Variants in NECTIN2 observed in about 807,000 individuals in gnomAD.
The protein encoded by NECTIN2 is nectin cell adhesion molecule 2, also known as nectin-2.
A neutral mutation model predicts 56.9 loss-of-function variants in NECTIN2; 23 were observed. The ratio of observed to expected loss-of-function variants is 0.40; its 90% confidence interval spans 0.29 to 0.57. NECTIN2 has a LOEUF of 0.57. NECTIN2 is among the 20% of genes least tolerant of loss of function. The pLI is 0.38. For synonymous variants in NECTIN2, 302 were observed against 313.8 expected, an observed-to-expected ratio of 0.96 and a Z score of 0.40; for missense variants, 587 against 718.3, an observed-to-expected ratio of 0.82 and a Z score of 2.09.
chr19:44,886,611 A>G (rs904387700), intron 8 of NECTIN2, among the ~76,000 whole-genome samples: 1 of 151,606 alleles, frequency 6.6e-6, no homozygotes, highest in African/African-American at 2.4e-5. Context: ...AATCTTAGCT[A>G]CCCGGGGCGC....
intron 8 of NECTIN2, among the ~76,000 whole-genome samples, chr19:44,887,865 T>C (rs1254603267): frequency 1.3e-5 from 2 of 152,034 alleles, no homozygotes; most frequent in African/African-American, 2.4e-5. Context: ...GGGGAAAGAT[T>C]TGCAGAGATC....
chr19:44,885,303 C>A (rs991717916), intron 6 of NECTIN2, among the ~76,000 whole-genome samples: 2 of 122,948 alleles, frequency 1.6e-5, no homozygotes, highest in African/African-American at 3.0e-5. Flanking sequence ...GCTGATCTTT[C>A]TTTCTTTTTT....
intron 5 of NECTIN2, among the ~76,000 whole-genome samples, chr19:44,879,947 G>A (rs896735625): frequency 6.6e-6 from 1 of 152,184 alleles, no homozygotes; most frequent in Non-Finnish European, 1.5e-5. Context: ...GCAGCAGTAT[G>A]TTTAGGATGA....
Position 44,846,436 on chromosome 19 carries a change from C to A in NECTIN2, c.-90C>A. Reference sequence around the variant, plus strand: ...CGGCCCGGAGCCGGAGCCGGAGCCCCACAGGCACCTACTAAACCGCCCAGC... The same window carrying A: ...CGGCCCGGAGCCGGAGCCGGAGCCCAACAGGCACCTACTAAACCGCCCAGC... On this transcript the variant is annotated 5_prime_UTR_variant, in exon 1 of 9. Transcript: ENST00000252483. 2.9e-6 allele frequency: 4 copies of A among 1,374,340 alleles called. No homozygotes were observed. Among genetic ancestry groups the A allele is most frequent in the Non-Finnish European group, 3.7e-6 (4 of 1,070,540 alleles). The allele number at this position is 1,374,340 out of a possible 1,614,324, so 85.1% of individuals were successfully genotyped here. A position where few individuals can be genotyped will look rare whatever the true frequency, so the allele number is the denominator to read the frequency against.
At position 44,871,999 on chromosome 19, in the gene NECTIN2, G is replaced by A; in HGVS notation, c.625G>A (p.Val209Met). 1 of 1,614,160 alleles carries A rather than the reference G, an allele frequency of 6.2e-7. No individual in the cohort carries two copies. The highest frequency in any genetic ancestry group is 8.5e-7 in the Non-Finnish European group (1 of 1,180,036). The change falls in exon 3 of 9, where the codon GTG (valine) becomes ATG (methionine). Residue 209 changes from valine to methionine, a missense_variant. Coordinates refer to ENST00000252483, the MANE Select transcript of NECTIN2 (RefSeq NM_001042724.2). ...SLDWEAKETQVSGTLAGTVTV... is the reference protein window; with the variant it reads ...SLDWEAKETQMSGTLAGTVTV... ...GGACTGGGAAGCCAAAGAGACTCAG[G>A]TGTCAGGGACCCTGGCCGGAACTGT...
chr19:44,883,800 A>G (rs283809), intron 6 of NECTIN2, among the ~76,000 whole-genome samples: 20,626 of 152,090 alleles, frequency 0.14, 2,624 homozygotes, highest in African/African-American at 0.33. Flanking sequence ...ACTCTAGCCC[A>G]GGTGACAGAG....
intron 1 of NECTIN2, among the ~76,000 whole-genome samples, chr19:44,859,006 A>T (rs998095117): frequency 6.6e-6 from 1 of 152,144 alleles, no homozygotes; most frequent in Non-Finnish European, 1.5e-5. Context: ...TTACCCAAAG[A>T]TCCTCGGCCT....
At chr19:44,854,742 G>A (rs924090782) in intron 1 of NECTIN2, among the ~76,000 whole-genome samples, 4 of 152,080 alleles carry the variant, frequency 2.6e-5, no homozygotes, top group Non-Finnish European at 5.9e-5. Flanking sequence ...GAGCTGGGGA[G>A]GCGGAGGCTG....
In NECTIN2 at chr19:44,889,145, T is replaced by G. The variant is rs1969393067; in HGVS notation, c.*766T>G. 1 of 152,258 alleles carries G rather than the reference T, an allele frequency of 6.6e-6. No individual in the cohort carries two copies. The highest frequency in any genetic ancestry group is 1.5e-5 in the Non-Finnish European group (1 of 68,038). 9.4% of individuals were successfully genotyped at this position (152,258 alleles called of 1,614,324 possible). A position where few individuals can be genotyped will look rare whatever the true frequency, so the allele number is the denominator to read the frequency against. On this transcript the variant is annotated 3_prime_UTR_variant, in exon 9 of 9. Transcript: ENST00000252483. ...CTAAACATCCCCCTTCCGGGGAAAG[T>G]GGGTCATCTGAATTGGGGGTAGCAA...
intron 1 of NECTIN2, among the ~76,000 whole-genome samples, chr19:44,862,319 G>A (rs941302425): frequency 1.4e-4 from 21 of 151,948 alleles, no homozygotes; most frequent in Admixed American, 5.9e-4. Flanking sequence ...GGAGGCTGAG[G>A]CAGGAGAATG....
rs753238889 is a variant in NECTIN2, at chr19:44,878,350, G to A, written c.1043-3861G>A. On this transcript the variant is annotated intron_variant, in intron 5 of 8. Coordinates refer to ENST00000252483, the MANE Select transcript of NECTIN2 (RefSeq NM_001042724.2). Reference sequence around the variant, plus strand: ...TCATCCTGCTGAGGGTGAGGAGGAGGAGGAAGAGCCCTGGAGGAGCAGGAG... The same window carrying A: ...TCATCCTGCTGAGGGTGAGGAGGAGAAGGAAGAGCCCTGGAGGAGCAGGAG... 3.2e-6 allele frequency: 5 copies of A among 1,550,724 alleles called. No homozygotes were observed. Among genetic ancestry groups the A allele is most frequent in the South Asian group, 2.4e-5 (2 of 84,062 alleles).
chr19:44,856,678 C>A (rs537843828), intron 1 of NECTIN2, among the ~76,000 whole-genome samples: 1 of 152,114 alleles, frequency 6.6e-6, no homozygotes, highest in South Asian at 2.1e-4. Context: ...GGGGGCCAGG[C>A]GGGTGATAAG....
At chr19:44,877,682 G>A (rs1213186061) in intron 5 of NECTIN2, among the ~76,000 whole-genome samples, 2 of 152,184 alleles carry the variant, frequency 1.3e-5, no homozygotes, top group East Asian at 1.9e-4. Context: ...CCCCCGAGGG[G>A]GTGTGGCCCC....
chr19:44,857,222 GATT>G (rs1034148184), intron 1 of NECTIN2, among the ~76,000 whole-genome samples: 2 of 146,464 alleles, frequency 1.4e-5, no homozygotes, highest in African/African-American at 5.1e-5. Context: ...GACTAGCTGT[GATT>G]ACAAGTGGAC....
chr19:44,885,792 G>C, intron 6 of NECTIN2, 145 bp from the exon 7 acceptor site: 2 of 692,524 alleles, frequency 2.9e-6, no homozygotes, highest in African/African-American at 3.6e-5. Flanking sequence ...GGAATTCATG[G>C]AATGAATAAA....
Position 44,882,207 on chromosome 19 carries a change from G to A in NECTIN2, c.1043-4G>A. On this transcript the variant is annotated splice_region_variant and splice_polypyrimidine_tract_variant and intron_variant, in intron 5 of 8. Coordinates refer to ENST00000252483, the MANE Select transcript of NECTIN2 (RefSeq NM_001042724.2). ...ACCCCCTCACGCTGTCCCTCTCCTT[G>A]CAGAGACCCCCAACACAGCAGGCGC... 6.9e-7 allele frequency: 1 copy of A among 1,455,532 alleles called. No individual in the cohort carries two copies. Among genetic ancestry groups the A allele is most frequent in the East Asian group, 2.6e-5 (1 of 37,896 alleles). The allele number at this position is 1,455,532 out of a possible 1,614,324, so 90.2% of individuals were successfully genotyped here. A position where few individuals can be genotyped will look rare whatever the true frequency, so the allele number is the denominator to read the frequency against.
At position 44,857,802 on chromosome 19, in the gene NECTIN2, T is replaced by A. The variant is rs954783014; in HGVS notation, c.89-7469T>A. On this transcript the variant is annotated intron_variant, in intron 1 of 8. Transcript: ENST00000252483. Reference sequence around the variant, plus strand: ...AAGTGATCCTCCACCCACTTCGGCCTCCCATAGTGCTGGGATTACAGGCAT... The same window carrying A: ...AAGTGATCCTCCACCCACTTCGGCCACCCATAGTGCTGGGATTACAGGCAT... 6.0e-5 allele frequency among the ~76,000 whole-genome samples: 9 copies of A among 150,194 alleles called. No homozygotes were observed. The Admixed American group carries it at 6.0e-4, about 10-fold the overall frequency.
chr19:44,850,133 G>T (rs1470277125), intron 1 of NECTIN2, among the ~76,000 whole-genome samples: 3 of 152,126 alleles, frequency 2.0e-5, no homozygotes, highest in Non-Finnish European at 4.4e-5. Context: ...CGAGTTCAAG[G>T]CTGCAGTGAG....
chr19:44,858,936 C>A (rs1969001163), intron 1 of NECTIN2, among the ~76,000 whole-genome samples: 1 of 152,166 alleles, frequency 6.6e-6, no homozygotes, highest in Admixed American at 6.5e-5. Flanking sequence ...AGCCACCACA[C>A]CTGGCCTTAT....
Sources: gnomAD v4.1 joint callset for allele counts (sites outside exome capture counted in the v4.1 genomes callset) on GRCh38, gnomAD v4.1.1 for gene constraint, MANE v1.5 for transcripts, NCBI Gene and HGNC (gene_info 2026-07-23, HGNC 2026-07-21) for gene names.